CPSF1: variants seen among roughly 807,000 people sequenced by gnomAD.
CPSF1 encodes the protein cleavage and polyadenylation specific factor 1.
CPSF1 carries 106 observed loss-of-function variants against 175.8 expected under a neutral mutation model. The observed-to-expected ratio is 0.60, with a 90% CI of 0.52 to 0.71. The LOEUF (loss-of-function observed/expected upper bound fraction) is 0.71, where lower values mean the gene tolerates loss of function less well. Among genes scored for constraint, CPSF1 ranks in the 30% least tolerant of loss-of-function variants. CPSF1 has a pLI of 0.00. For synonymous variants in CPSF1, 1,024 were observed against 858.3 expected (o/e 1.19, Z -3.37); for missense variants, 1,734 against 2,022.9 (o/e 0.86, Z 2.74).
chr8:144,400,376 A>T lies in CPSF1; in HGVS notation c.804T>A (p.Ala268=), dbSNP rs782771257. ...LTSLPFDCTQ[A]LAVPKPIGGV... is the part of the protein sequence containing the mutation. ...CACCTATGGGCTTGGGCACAGCCAGAGCCTGGGTGCAGTCAAAGGGCAGGC... is the reference window on the plus strand; with the variant it reads ...CACCTATGGGCTTGGGCACAGCCAGTGCCTGGGTGCAGTCAAAGGGCAGGC... Residue 268 remains alanine (A), a synonymous_variant, in exon 8 of 38, where the codon GCT becomes GCA. Coordinates refer to ENST00000616140, the MANE Select transcript of CPSF1 (RefSeq NM_013291.3). 6.2e-7 allele frequency: 1 copy of T among 1,613,876 alleles called. No homozygotes were observed. The highest frequency in any genetic ancestry group is 1.7e-5 in the Admixed American group (1 of 60,014).
rs1554862093 is a variant in CPSF1, at chr8:144,393,529, G to T, written c.4207C>A (p.Leu1403Met). 3 of 1,597,296 alleles carry T rather than the reference G, an allele frequency of 1.9e-6. No individual in the cohort carries two copies. Among genetic ancestry groups the T allele is most frequent in the Admixed American group, 3.5e-5 (2 of 57,064 alleles). The change falls in exon 37 of 38, where the codon CTG becomes ATG. Residue 1403 changes from leucine to methionine, a missense_variant. Transcript: ENST00000616140. ...NAVRNVLDGE[L>M]LNRYLYLSTM... ...CTCAGGTACAGGTAGCGGTTGAGCA[G>T]CTCCCCATCCAGCACGTTGCGCACG...
At position 144,397,951 on chromosome 8, in the gene CPSF1, T is replaced by C; in HGVS notation, c.2073+3A>G. ...GGAGGGCGCCGGGAATGAGGGGGCC[T>C]ACATGGTGCAGCGGGGGCTTGTGCA... On this transcript the variant is annotated splice_donor_region_variant and intron_variant, in intron 20 of 37. Coordinates refer to ENST00000616140, the MANE Select transcript of CPSF1 (RefSeq NM_013291.3). 1 of 1,605,428 alleles carries C rather than the reference T, an allele frequency of 6.2e-7. No individual in the cohort carries two copies. The highest frequency in any genetic ancestry group is 1.1e-5 in the South Asian group (1 of 90,814).
intron 2 of CPSF1, among the ~76,000 whole-genome samples, chr8:144,407,339 C>T (rs944623317): frequency 6.6e-6 from 1 of 152,008 alleles, no homozygotes; most frequent in African/African-American, 2.4e-5. Flanking sequence ...CCCTGGCCTC[C>T]CATGTAGCTA....
intron 26 of CPSF1, chr8:144,395,883 C>G (rs1820690935): frequency 2.1e-6 from 1 of 474,376 alleles, no homozygotes; most frequent in Admixed American, 3.5e-5. Flanking sequence ...CAGGGCTGCC[C>G]TCTTTCATGG....
chr8:144,408,030 T>C (rs2116910063), intron 2 of CPSF1, among the ~76,000 whole-genome samples: 5 of 152,178 alleles, frequency 3.3e-5, no homozygotes, highest in Admixed American at 2.0e-4. Context: ...ACAGGAGCCC[T>C]GGCCAGCAAA....
At chr8:144,401,381 C>A (rs2116884105) in intron 4 of CPSF1, 49 bp downstream of exon 4, 2 of 1,612,276 alleles carry the variant, frequency 1.2e-6, no homozygotes, top group Non-Finnish European at 1.7e-6. Context: ...GGCCCTGGCA[C>A]CCACTCCCAC....
Position 144,399,012 on chromosome 8 carries a change from C to G in CPSF1, c.1494G>C (p.Leu498=). Residue 498 remains leucine (L), a synonymous_variant, in exon 16 of 38, where the codon CTG becomes CTC. Coordinates refer to ENST00000616140, the MANE Select transcript of CPSF1 (RefSeq NM_013291.3). The surrounding 1 kb of genome is among the most constrained non-coding windows in gnomAD (Gnocchi z 6.4). ...EEFQNSPEPD[L]EIVVCSGHGK... is the part of the protein sequence containing the mutation. ...CGTGGCCGGAGCAAACCACAATCTC[C>G]AGGTCCGGCTCGGGGCTGTTCTGAA... The G allele has an allele frequency of 6.2e-7, 1 of 1,609,606 alleles. No individual in the cohort carries two copies.
rs782165090 is a variant in CPSF1 at position 144,401,570 on chromosome 8, G to C, written c.173-7C>G. The C allele has an allele frequency of 1.2e-6, 2 of 1,613,240 alleles. No homozygotes were observed. Among genetic ancestry groups the C allele is most frequent in the African/African-American group, 2.7e-5 (2 of 74,930 alleles). On this transcript the variant is annotated splice_polypyrimidine_tract_variant and splice_region_variant and intron_variant, in intron 3 of 37. Coordinates refer to ENST00000616140, the MANE Select transcript of CPSF1 (RefSeq NM_013291.3). ...TCCCGGTGGGCCTTCCCCTCTAGGG[G>C]AGACACCAGGGCTCAGGGTCAGGGC...
Position 144,399,573 on chromosome 8 carries a change from G to T in CPSF1, c.1242+15C>A. On this transcript the variant is annotated intron_variant, in intron 12 of 37. Transcript: ENST00000616140. This position sits in a 1 kb window ranked among gnomAD's most constrained non-coding sequence, Gnocchi z 6.4. ...CACATGAAGGGTGGTGGCCCAATGG[G>T]CCCAGGAAACCCACCTTGTCGGCAG... 6.2e-7 allele frequency: 1 copy of T among 1,610,762 alleles called. No homozygotes were observed. The highest frequency in any genetic ancestry group is 8.5e-7 in the Non-Finnish European group (1 of 1,178,680).
At chr8:144,402,533 G>C (rs966286918) in intron 2 of CPSF1, among the ~76,000 whole-genome samples, 1 of 152,124 alleles carries the variant, frequency 6.6e-6, no homozygotes, top group Admixed American at 6.5e-5. Flanking sequence ...TCGAACTCCT[G>C]ACCTCAGGTG....
In CPSF1 at chr8:144,393,628, G is replaced by A. The variant is rs575031430; in HGVS notation, c.4146-38C>T. 6.3e-5 allele frequency: 100 copies of A among 1,588,710 alleles called. No homozygotes were observed. The African/African-American group carries it at 1.0e-3, about 17-fold the overall frequency. ...GGCACAGGTGTCAGGGCAGGCTGGG[G>A]TGGAGGGGGTGCTGCACGGGGGCGG... is the stretch of plus-strand genomic sequence containing the variant. On this transcript the variant is annotated intron_variant, in intron 36 of 37. Coordinates refer to ENST00000616140, the MANE Select transcript of CPSF1 (RefSeq NM_013291.3).
rs1554864653 is a variant in CPSF1 at position 144,397,896 on chromosome 8, G to A, written c.2074-17C>T. On this transcript the variant is annotated splice_polypyrimidine_tract_variant and intron_variant, in intron 20 of 37. Transcript: ENST00000616140. ...CTTGGACTGCTGCGGGGAGAGGGGT[G>A]GGCTCAGCGGCGGGCAAGGGGCAGG... 4 of 1,600,134 alleles carry A rather than the reference G, an allele frequency of 2.5e-6. No individual in the cohort carries two copies. The highest frequency in any genetic ancestry group is 3.4e-6 in the Non-Finnish European group (4 of 1,172,360).
At chr8:144,400,539 G>A (rs1554866354) in intron 7 of CPSF1, 46 bp from the exon 8 acceptor site, 3 of 1,609,802 alleles carry the variant, frequency 1.9e-6, no homozygotes, top group East Asian at 2.2e-5. Context: ...TCCCCGCAGA[G>A]ACCCAGGCCC....
rs782402925 is a variant in CPSF1, at chr8:144,395,192, C to T, written c.3188-10G>A. On this transcript the variant is annotated splice_polypyrimidine_tract_variant and intron_variant, in intron 28 of 37. Coordinates refer to ENST00000616140, the MANE Select transcript of CPSF1 (RefSeq NM_013291.3). ...TGGATGTACCGCTCATCTGTGGGGA[C>T]CAAGGGTGACAGTCAGAGTAGGGCT... 4 of 1,612,624 alleles carry T rather than the reference C, an allele frequency of 2.5e-6. No individual in the cohort carries two copies. Among genetic ancestry groups the T allele is most frequent in the Non-Finnish European group, 3.4e-6 (4 of 1,179,612 alleles).
In CPSF1 at chr8:144,398,422, T is replaced by C. The variant is rs1303678738; in HGVS notation, c.1774A>G (p.Ile592Val). 2 of 1,613,644 alleles carry C rather than the reference T, an allele frequency of 1.2e-6. No homozygotes were observed. Among genetic ancestry groups the C allele is most frequent in the East Asian group, 2.2e-5 (1 of 44,882 alleles). ...STMILQTGQE[I>V]MELDTSGFAT... ...AAGCCACTGGTGTCCAGCTCCATGA[T>C]CTCCTGCCCCGTCTGCAGGATCTGC... The change falls in exon 19 of 38, where the codon ATC becomes GTC. Residue 592 changes from isoleucine (I) to valine (V), a missense_variant. Physicochemically the swap from Ile to Val is conservative, Grantham distance 29. Around this residue, in one of 10 missense-constraint regions of CPSF1, gnomAD observed 280 missense variants for 349.2 expected, o/e 0.80. Coordinates refer to ENST00000616140, the MANE Select transcript of CPSF1 (RefSeq NM_013291.3).
chr8:144,397,285 C>A lies in CPSF1; in HGVS notation c.2514G>T (p.Thr838=), dbSNP rs782478061. The change falls in exon 23 of 38, where the codon ACG becomes ACT. Residue 838 remains threonine (T), a synonymous_variant. Coordinates refer to ENST00000616140, the MANE Select transcript of CPSF1 (RefSeq NM_013291.3). ...TQGEARREEA[T]RQGELPLVKE... ...TGACGAGGGGCAGCTCCCCCTGGCGCGTGGCCTCCTCCCTGCGGGCCTCGC... is the reference window on the plus strand; with the variant it reads ...TGACGAGGGGCAGCTCCCCCTGGCGAGTGGCCTCCTCCCTGCGGGCCTCGC... 29 of 1,549,720 alleles carry A rather than the reference C, an allele frequency of 1.9e-5. No homozygotes were observed. The highest frequency in any genetic ancestry group is 2.4e-5 in the Non-Finnish European group (28 of 1,147,232).
chr8:144,408,425 C>A (rs1277432635), intron 2 of CPSF1, among the ~76,000 whole-genome samples: 1 of 152,208 alleles, frequency 6.6e-6, no homozygotes, highest in Non-Finnish European at 1.5e-5. Flanking sequence ...CAAAACACCA[C>A]TGTATTTCCC....
At position 144,400,006 on chromosome 8, in the gene CPSF1, G is replaced by A; in HGVS notation, c.1017C>T (p.Leu339=). 3 of 1,612,256 alleles carry A rather than the reference G, an allele frequency of 1.9e-6. No individual in the cohort carries two copies. Among genetic ancestry groups the A allele is most frequent in the South Asian group, 1.1e-5 (1 of 91,036 alleles). ...GAGGGGCTCACATCTCGCCGCCCTT[G>A]AGGGAGATGACCATCTTGTCGTAGG... The part of the protein sequence containing the change: ...FISYDKMVIS[L]KGGEIYVLTL... The change falls in exon 10 of 38, where the codon CTC becomes CTT. Residue 339 remains leucine, a synonymous_variant. Transcript: ENST00000616140.
intron 26 of CPSF1, chr8:144,395,875 G>A: frequency 2.0e-6 from 1 of 489,378 alleles, no homozygotes. Flanking sequence ...GAGGGAGCCA[G>A]GGCTGCCCTC....
Sources: gnomAD v4.1 joint callset for allele counts (sites outside exome capture counted in the v4.1 genomes callset) on GRCh38, gnomAD v4.1.1 for gene constraint, gnomAD v4.1.1 regional missense constraint, Gnocchi (gnomAD v3.1) non-coding constraint, MANE v1.5 for transcripts, NCBI Gene and HGNC (gene_info 2026-07-23, HGNC 2026-07-21) for gene names.